Variants in LRRC7 observed in about 807,000 individuals in gnomAD.
LRRC7 encodes leucine rich repeat containing 7.
LRRC7 carries 23 observed loss-of-function variants against 175.7 expected under a neutral mutation model. The ratio of observed to expected loss-of-function variants is 0.13; its 90% CI spans 0.09 to 0.19. The LOEUF is 0.19. Ranked by LOEUF, LRRC7 falls within the 10% of genes least tolerant of loss-of-function variation. The probability of loss-of-function intolerance (pLI) is 1.00; values close to 1 mark genes in which losing one functional copy is unlikely to be tolerated. For synonymous variants in LRRC7, 685 were observed against 680.9 expected (o/e 1.01, Z -0.09); for missense variants, 1,354 against 1,904.7 (o/e 0.71, Z 5.38).
In LRRC7 at chr1:69,862,278, G is replaced by A. The variant is rs17131055; in HGVS notation, c.647+23995G>A. ...AAGTCCAGGTTGAACGTGGAAAACT[G>A]GTAGTGTGTTCTTATAGATGGCATA... On this transcript the variant is annotated intron_variant, in intron 7 of 26. Coordinates refer to ENST00000651989, the MANE Select transcript of LRRC7 (RefSeq NM_001370785.2). Among the ~76,000 whole-genome samples the A allele has an allele frequency of 5.5e-3, 834 of 152,308 alleles. 7 individuals are homozygous for A. Among genetic ancestry groups the A allele is most frequent in the African/African-American group, 0.019 (792 of 41,574 alleles).
At chr1:69,756,436 G>A (rs1404349606) in intron 2 of LRRC7, among the ~76,000 whole-genome samples, 2 of 151,586 alleles carry the variant, frequency 1.3e-5, no homozygotes, top group African/African-American at 4.8e-5. Context: ...CAAGTGCCTA[G>A]TATGATAGAT....
chr1:69,576,735 TATTC>T, intron 1 of LRRC7, among the ~76,000 whole-genome samples: 1 of 152,326 alleles, frequency 6.6e-6, no homozygotes, highest in African/African-American at 2.4e-5. Context: ...AAATGGTTCT[TATTC>T]ATGCCAGCTT....
intron 7 of LRRC7, chr1:69,879,988 C>G (rs1489106100): frequency 6.6e-6 from 1 of 152,122 alleles, no homozygotes; most frequent in Non-Finnish European, 1.5e-5. Flanking sequence ...ACCCATAAAA[C>G]TAAGACTCTA....
chr1:70,010,313 C>G (rs1475470728), intron 11 of LRRC7, among the ~76,000 whole-genome samples: 5 of 152,192 alleles, frequency 3.3e-5, no homozygotes, highest in African/African-American at 1.2e-4. Context: ...CGCCTGTAAT[C>G]CCAGCACTTT....
chr1:69,702,348 A>C (rs1189821537), intron 2 of LRRC7, among the ~76,000 whole-genome samples: 2 of 152,218 alleles, frequency 1.3e-5, no homozygotes, highest in Admixed American at 6.5e-5. Context: ...ACTGCAGATG[A>C]CAGTAAACAT....
chr1:69,593,851 T>C lies in LRRC7; in HGVS notation c.2+25210T>C, dbSNP rs114852468. On this transcript the variant is annotated intron_variant, in intron 1 of 26. Coordinates refer to ENST00000651989, the MANE Select transcript of LRRC7 (RefSeq NM_001370785.2). ...TCTATGTTCTGTTATTTCCCATCTG[T>C]GGAAGCAGAGGCTGGGAACTTCTTA... Among the ~76,000 whole-genome samples the C allele has an allele frequency of 4.8e-3, 726 of 152,296 alleles. 4 individuals carry two copies. Among genetic ancestry groups the C allele is most frequent in the African/African-American group, 0.016 (683 of 41,560 alleles).
intron 4 of LRRC7, among the ~76,000 whole-genome samples, chr1:69,805,264 C>A (rs1384828964): frequency 6.6e-6 from 1 of 151,652 alleles, no homozygotes; most frequent in Non-Finnish European, 1.5e-5. Flanking sequence ...AGGAGGCGGA[C>A]TTTTTTTCTC....
chr1:69,842,873 T>C (rs1373292554), intron 7 of LRRC7, among the ~76,000 whole-genome samples: 1 of 152,104 alleles, frequency 6.6e-6, no homozygotes, highest in East Asian at 1.9e-4. Flanking sequence ...AGTAGACTAT[T>C]TTGCCTTTTA....
chr1:69,984,476 G>A (rs140715907), intron 9 of LRRC7, among the ~76,000 whole-genome samples: 17 of 152,202 alleles, frequency 1.1e-4, no homozygotes, highest in African/African-American at 4.1e-4. Context: ...TGAACCATTC[G>A]TTGAGTAACT....
Position 70,023,201 on chromosome 1 carries a change from T to C in LRRC7, c.1621T>C (p.Cys541Arg). 6.3e-7 allele frequency: 1 copy of C among 1,599,244 alleles called. No homozygotes were observed. Among genetic ancestry groups the C allele is most frequent in the Non-Finnish European group, 8.5e-7 (1 of 1,170,840 alleles). The change falls in exon 17 of 27, where the codon TGC becomes CGC. Residue 541 changes from cysteine to arginine, a missense_variant. By Grantham distance (180) the Cys-to-Arg change is radical. Transcript: ENST00000651989. The stretch of plus-strand genomic sequence containing the variant: ...CCAACCTGCCAGACTGTCTGGCGAT[T>C]GCTGCACACCATGGGCCAGGTGTGA... The part of the protein sequence containing the change: ...TLQPARLSGD[C>R]CTPWARCDQQ...
At chr1:69,606,748 G>C (rs1647649727) in intron 1 of LRRC7, 1 of 152,028 alleles carries the variant, frequency 6.6e-6, no homozygotes, top group Admixed American at 6.6e-5. Flanking sequence ...TTCTTTCCTT[G>C]AGCAATATGG....
At chr1:69,853,618 A>C (rs552144339) in intron 7 of LRRC7, among the ~76,000 whole-genome samples, 1 of 152,228 alleles carries the variant, frequency 6.6e-6, no homozygotes, top group Admixed American at 6.5e-5. Flanking sequence ...TTCTGATAGA[A>C]AATGTTGCAT....
intron 1 of LRRC7, among the ~76,000 whole-genome samples, chr1:69,622,021 C>T (rs867420487): frequency 6.6e-5 from 10 of 152,146 alleles, no homozygotes; most frequent in South Asian, 2.1e-4. Context: ...TTTACCTTAT[C>T]TCTATTTGCA....
intron 8 of LRRC7, among the ~76,000 whole-genome samples, chr1:69,953,134 C>A (rs1393713883): frequency 6.6e-6 from 1 of 151,932 alleles, no homozygotes; most frequent in African/African-American, 2.4e-5. Flanking sequence ...TTAAATCCAC[C>A]GCTACAAGGA....
chr1:70,078,820 A>C (rs978343456), intron 24 of LRRC7, among the ~76,000 whole-genome samples: 1 of 124,262 alleles, frequency 8.0e-6, no homozygotes, highest in Admixed American at 7.9e-5. Flanking sequence ...GCACACACAC[A>C]CACGCACACA....
At chr1:70,072,777 A>G (rs1662487108) in intron 23 of LRRC7, among the ~76,000 whole-genome samples, 2 of 152,236 alleles carry the variant, frequency 1.3e-5, no homozygotes, top group Non-Finnish European at 2.9e-5. Context: ...CATGCACAGC[A>G]TCTAAAACAG....
At chr1:69,889,278 C>T (rs897603920) in intron 7 of LRRC7, among the ~76,000 whole-genome samples, 2 of 152,080 alleles carry the variant, frequency 1.3e-5, no homozygotes, top group African/African-American at 4.8e-5. Flanking sequence ...ATTGACTCTT[C>T]CTTTCATGAA....
At chr1:69,646,593 T>C (rs776893399) in intron 1 of LRRC7, among the ~76,000 whole-genome samples, 2 of 152,162 alleles carry the variant, frequency 1.3e-5, no homozygotes, top group Non-Finnish European at 2.9e-5. Context: ...TGTGCTATGC[T>C]GTCACAAAGA....
intron 1 of LRRC7, among the ~76,000 whole-genome samples, chr1:69,615,829 C>A (rs939862247): frequency 6.6e-6 from 1 of 151,884 alleles, no homozygotes; most frequent in Admixed American, 6.6e-5. Context: ...CAGTTCATGA[C>A]GAATCACATA....
Sources: gnomAD v4.1 joint callset for allele counts (sites outside exome capture counted in the v4.1 genomes callset) on GRCh38, gnomAD v4.1.1 for gene constraint, MANE v1.5 for transcripts, NCBI Gene and HGNC (gene_info 2026-07-23, HGNC 2026-07-21) for gene names.